The following MDGA2 variants were observed in gnomAD, a reference collection of about 807,000 sequenced individuals.
MDGA2 encodes the protein MAM domain containing glycosylphosphatidylinositol anchor 2.
In MDGA2, 40 loss-of-function variants were observed where a neutral mutation model predicts 117.8. The ratio of observed to expected loss-of-function variants is 0.34; its 90% confidence interval spans 0.26 to 0.44. The LOEUF is 0.44. MDGA2 is among the 20% of genes least tolerant of loss of function. The probability of loss-of-function intolerance (pLI) is 1.00; values close to 1 mark genes in which losing one functional copy is unlikely to be tolerated. For missense variants in MDGA2, 1,123 were observed against 1,250.6 expected (o/e 0.90, Z 1.54); for synonymous variants, 452 against 439.0 (o/e 1.03, Z -0.37).
chr14:47,661,989 G>A (rs941503182), intron 1 of MDGA2, among the ~76,000 whole-genome samples: 6 of 152,040 alleles, frequency 3.9e-5, no homozygotes, highest in South Asian at 2.1e-4. Context: ...CGCCTGCCTC[G>A]GCCTCTCAAA....
chr14:47,465,561 C>T (rs187895802), intron 1 of MDGA2, among the ~76,000 whole-genome samples: 10 of 151,916 alleles, frequency 6.6e-5, no homozygotes, highest in Admixed American at 2.0e-4. Flanking sequence ...TACATGTGGC[C>T]AAGAAGCATA....
chr14:47,093,255 C>T (rs1204816406), intron 6 of MDGA2, among the ~76,000 whole-genome samples: 1 of 152,070 alleles, frequency 6.6e-6, no homozygotes, highest in African/African-American at 2.4e-5. Flanking sequence ...ATCCAAAACA[C>T]TGAACTAAAT....
At chr14:47,558,520 A>G (rs1339479035) in intron 1 of MDGA2, among the ~76,000 whole-genome samples, 1 of 152,222 alleles carries the variant, frequency 6.6e-6, no homozygotes, top group African/African-American at 2.4e-5. Flanking sequence ...ACATCTCTGG[A>G]TTTCAGAAAT....
rs183742472 is a variant in MDGA2 at position 47,288,023 on chromosome 14, A to G, written c.420+13388T>C. ...TCAGAGGGATGATGGCCCTCCTGAC[A>G]CCGTAATTTCAGAATTCTAGCCTCC... is the stretch of plus-strand genomic sequence containing the variant. On this transcript the variant is annotated intron_variant, in intron 2 of 16. Coordinates refer to ENST00000399232, the MANE Select transcript of MDGA2 (RefSeq NM_001113498.3). 4.2e-3 allele frequency among the ~76,000 whole-genome samples: 640 copies of G among 152,236 alleles called. 7 individuals carry two copies. The highest frequency in any genetic ancestry group is 0.014 in the African/African-American group (600 of 41,544).
chr14:47,674,449 C>A, intron 1 of MDGA2, 68 bp downstream of exon 1: 2 of 1,370,742 alleles, frequency 1.5e-6, no homozygotes, highest in Non-Finnish European at 2.0e-6. Flanking sequence ...GCGAGTCGTG[C>A]ATTTTCGCTC....
At chr14:47,086,418 C>T (rs541803679) in intron 6 of MDGA2, among the ~76,000 whole-genome samples, 8 of 151,938 alleles carry the variant, frequency 5.3e-5, no homozygotes, top group Non-Finnish European at 8.8e-5. Flanking sequence ...GAACAGAATT[C>T]AAAGAGACAG....
chr14:47,101,029 C>T (rs1880276062), intron 5 of MDGA2, among the ~76,000 whole-genome samples: 1 of 151,846 alleles, frequency 6.6e-6, no homozygotes, highest in African/African-American at 2.4e-5. Flanking sequence ...AATGTTCTAG[C>T]ATGCCTGAGG....
At chr14:47,594,071 C>A (rs1014640174) in intron 1 of MDGA2, among the ~76,000 whole-genome samples, 4 of 151,932 alleles carry the variant, frequency 2.6e-5, no homozygotes, top group African/African-American at 9.7e-5. Context: ...ACAATTTTTT[C>A]AAAATAAATC....
chr14:46,867,051 C>G (rs921992684), intron 14 of MDGA2, among the ~76,000 whole-genome samples: 5 of 151,758 alleles, frequency 3.3e-5, no homozygotes, highest in African/African-American at 1.2e-4. Flanking sequence ...GGTATATACT[C>G]AAAGGACTAT....
intron 9 of MDGA2, among the ~76,000 whole-genome samples, chr14:46,946,581 G>A (rs1203679314): frequency 1.3e-5 from 2 of 152,026 alleles, no homozygotes; most frequent in Admixed American, 6.6e-5. Flanking sequence ...ATGGACTGAT[G>A]TTTGCTCCTA....
chr14:46,990,216 G>C (rs61992806), intron 8 of MDGA2, among the ~76,000 whole-genome samples: 3,518 of 152,040 alleles, frequency 0.023, 62 homozygotes, highest in Middle Eastern at 0.038. Context: ...ACTTATTATA[G>C]TCCCTTACTC....
In MDGA2 at chr14:47,131,752, G is replaced by C. The variant is rs1166689318; in HGVS notation, c.887C>G (p.Pro296Arg). The C allele has an allele frequency of 1.3e-6, 2 of 1,580,950 alleles. No homozygotes were observed. The highest frequency in any genetic ancestry group is 1.7e-6 in the Non-Finnish European group (2 of 1,156,472). Reference protein sequence around the residue: ...IASVRNVCNIPDKMVSFRLSN... With the variant: ...IASVRNVCNIRDKMVSFRLSN... ...CAGTCTAAACGACACCATCTTATCA[G>C]GAATATTACATACATTCCTCACTGA... The change falls in exon 5 of 17, where the codon CCT (proline) becomes CGT (arginine). Residue 296 changes from proline to arginine, a missense_variant. Pro to Arg is a moderately radical substitution (Grantham distance 103, BLOSUM62 -2). Coordinates refer to ENST00000399232, the MANE Select transcript of MDGA2 (RefSeq NM_001113498.3).
intron 9 of MDGA2, among the ~76,000 whole-genome samples, chr14:46,925,405 G>C (rs1884287895): frequency 6.6e-6 from 1 of 152,116 alleles, no homozygotes; most frequent in Non-Finnish European, 1.5e-5. Flanking sequence ...GTCAAGGTGG[G>C]AGGATCACTT....
intron 1 of MDGA2, among the ~76,000 whole-genome samples, chr14:47,324,075 C>A (rs888554990): frequency 6.6e-6 from 1 of 151,810 alleles, no homozygotes; most frequent in Non-Finnish European, 1.5e-5. Flanking sequence ...GAAACCCTGT[C>A]TCCACTAAAA....
chr14:46,988,030 A>C (rs1363674460), intron 8 of MDGA2, among the ~76,000 whole-genome samples: 1 of 151,950 alleles, frequency 6.6e-6, no homozygotes, highest in African/African-American at 2.4e-5. Flanking sequence ...AGGAAAAATG[A>C]GTAATATAAT....
chr14:47,248,863 A>G (rs900207225), intron 2 of MDGA2, among the ~76,000 whole-genome samples: 3 of 152,188 alleles, frequency 2.0e-5, no homozygotes, highest in Non-Finnish European at 4.4e-5. Context: ...GAAAAAAATT[A>G]GTATATTTGG....
intron 1 of MDGA2, among the ~76,000 whole-genome samples, chr14:47,647,822 T>A (rs1026648869): frequency 6.6e-6 from 1 of 152,182 alleles, no homozygotes; most frequent in African/African-American, 2.4e-5. Flanking sequence ...AGCATCTTTG[T>A]CATTTTTTCT....
intron 1 of MDGA2, among the ~76,000 whole-genome samples, chr14:47,342,690 G>T (rs1455165991): frequency 2.6e-5 from 4 of 152,068 alleles, no homozygotes; most frequent in Non-Finnish European, 5.9e-5. Context: ...CCGGAAAAAC[G>T]GAGAAATGTT....
chr14:47,092,612 T>G (rs2138955374), intron 6 of MDGA2, among the ~76,000 whole-genome samples: 1 of 152,296 alleles, frequency 6.6e-6, no homozygotes, highest in South Asian at 2.1e-4. Context: ...CCATGGGACC[T>G]GTCAGCTTTG....
Sources: allele counts gnomAD v4.1 joint callset (sites outside exome capture counted in the v4.1 genomes callset), GRCh38; gene constraint gnomAD v4.1.1; transcripts MANE v1.5; gene names NCBI Gene and HGNC (gene_info 2026-07-23, HGNC 2026-07-21).